Variants in ZFP62 observed in about 807,000 individuals in gnomAD.
ZFP62 encodes zinc finger protein 62 homolog.
In ZFP62, 44 loss-of-function variants were observed where a neutral mutation model predicts 56.4. The observed-to-expected ratio is 0.78, with a 90% CI of 0.61 to 1.00. ZFP62 has a LOEUF of 1.00. Among genes scored for constraint, ZFP62 ranks in the 50% least tolerant of loss-of-function variants. The probability of loss-of-function intolerance (pLI) is 0.00; values close to 1 mark genes in which losing one functional copy is unlikely to be tolerated. For synonymous variants in ZFP62, 421 were observed against 388.9 expected (o/e 1.08, Z -0.97); for missense variants, 1,030 against 1,085.7 (o/e 0.95, Z 0.72).
the ZFP62 span, among the ~76,000 whole-genome samples, chr5:180,841,295 A>G: frequency 7.9e-6 from 1 of 126,488 alleles, no homozygotes; most frequent in Non-Finnish European, 1.6e-5. Flanking sequence ...ATATATATAC[A>G]TACACATATA....
At chr5:180,836,701 T>G in the ZFP62 span, among the ~76,000 whole-genome samples, 1 of 152,108 alleles carries the variant, frequency 6.6e-6, no homozygotes, top group Non-Finnish European at 1.5e-5. Flanking sequence ...GTCGTGAAAA[T>G]GTAAACTGAG....
At chr5:180,845,973 T>C (rs1179526960), downstream of ZFP62, 16 of 550,090 alleles carry the variant, frequency 2.9e-5, no homozygotes, top group South Asian at 8.8e-4. Flanking sequence ...CTCACTGTTT[T>C]TTCAGGCTTT....
At chr5:180,852,054 A>G (rs1484692341) in intron 1 of ZFP62, 1 of 983,250 alleles carries the variant, frequency 1.0e-6, no homozygotes, top group African/African-American at 1.7e-5. Flanking sequence ...ATGAGGAAGA[A>G]GGCAACCTGC....
chr5:180,856,885 C>T (rs1196920368), intron 1 of ZFP62, among the ~76,000 whole-genome samples: 8 of 139,356 alleles, frequency 5.7e-5, no homozygotes, highest in African/African-American at 1.1e-4. Flanking sequence ...ACCTGGGAGG[C>T]GAGCCTGCAG....
At chr5:180,854,547 G>A (rs916204838) in intron 1 of ZFP62, among the ~76,000 whole-genome samples, 32 of 152,252 alleles carry the variant, frequency 2.1e-4, no homozygotes, top group South Asian at 1.7e-3. Flanking sequence ...CAGGATATCC[G>A]CATGGTCTTA....
At chr5:180,836,886 T>A in the ZFP62 span, among the ~76,000 whole-genome samples, 1 of 152,224 alleles carries the variant, frequency 6.6e-6, no homozygotes, top group Admixed American at 6.5e-5. Flanking sequence ...TTATTCAAGT[T>A]GATAAAAAAG....
At chr5:180,838,237 G>A in the ZFP62 span, among the ~76,000 whole-genome samples, 1 of 152,102 alleles carries the variant, frequency 6.6e-6, no homozygotes, top group Non-Finnish European at 1.5e-5. Context: ...AGGGAGTCAA[G>A]GAGGCCCATG....
chr5:180,854,487 G>T (rs1773870821), intron 1 of ZFP62, among the ~76,000 whole-genome samples: 1 of 152,216 alleles, frequency 6.6e-6, no homozygotes, highest in Non-Finnish European at 1.5e-5. Flanking sequence ...ACTGGATCAG[G>T]AGAGAATCAT....
At chr5:180,840,067 G>A in the ZFP62 span, among the ~76,000 whole-genome samples, 1 of 152,220 alleles carries the variant, frequency 6.6e-6, no homozygotes, top group Non-Finnish European at 1.5e-5. Context: ...AGGCCAGAGA[G>A]GCGAGCTGAG....
chr5:180,857,132 G>GAA (rs1774029735), intron 1 of ZFP62, among the ~76,000 whole-genome samples: 1 of 152,064 alleles, frequency 6.6e-6, no homozygotes, highest in African/African-American at 2.4e-5. Context: ...AGACAGGTAG[G>GAA]CAAAGACAAG....
chr5:180,842,101 T>C, the ZFP62 span, among the ~76,000 whole-genome samples: 1 of 152,128 alleles, frequency 6.6e-6, no homozygotes, highest in Non-Finnish European at 1.5e-5. Flanking sequence ...AAAACTTAAA[T>C]TGAGCACTCA....
chr5:180,845,626 G>A (rs190212757), downstream of ZFP62: 12 of 741,558 alleles, frequency 1.6e-5, no homozygotes, highest in African/African-American at 1.9e-4. Flanking sequence ...ATGTCTCTAG[G>A]CCTTTAGCTG....
the ZFP62 span, among the ~76,000 whole-genome samples, chr5:180,836,652 G>A: frequency 6.6e-6 from 1 of 152,352 alleles, no homozygotes; most frequent in African/African-American, 2.4e-5. Context: ...CACATCAGAG[G>A]TCAAGCCACA....
At chr5:180,839,005 A>G in the ZFP62 span, among the ~76,000 whole-genome samples, 2 of 152,220 alleles carry the variant, frequency 1.3e-5, no homozygotes, top group Non-Finnish European at 2.9e-5. Context: ...GGAAACCACC[A>G]AAACATTTAT....
chr5:180,848,717 A>C lies in ZFP62; in HGVS notation c.*75T>G. The C allele has an allele frequency of 6.9e-7, 1 of 1,449,180 alleles. No homozygotes were observed. Among genetic ancestry groups the C allele is most frequent in the Non-Finnish European group, 9.1e-7 (1 of 1,098,044 alleles). The allele number at this position is 1,449,180 out of a possible 1,614,324, so 89.8% of individuals were successfully genotyped here. ...ATTTACACTGTGTAAATTACAAGCC[A>C]TGACCCCCTACATTCTTACATTCAT... On this transcript the variant is annotated 3_prime_UTR_variant, in exon 2 of 2. Transcript: ENST00000502412.
chr5:180,855,143 A>T (rs113815314), intron 1 of ZFP62, among the ~76,000 whole-genome samples: 15,820 of 152,202 alleles, frequency 0.1, 2,041 homozygotes, highest in African/African-American at 0.3. Context: ...AAATACTTGC[A>T]TGTATGAAAG....
At chr5:180,829,775 C>T in the ZFP62 span, among the ~76,000 whole-genome samples, 10 of 152,224 alleles carry the variant, frequency 6.6e-5, no homozygotes, top group East Asian at 1.2e-3. Flanking sequence ...CTCTATACCT[C>T]GGAGCCGACA....
chr5:180,861,236 CG>C lies in ZFP62; in HGVS notation c.-18del, dbSNP rs1181474120. The C allele has an allele frequency of 5.8e-4, 231 of 397,910 alleles. No homozygotes were observed. Among genetic ancestry groups the C allele is most frequent in the Non-Finnish European group, 8.9e-5 (20 of 225,656 alleles). The allele number at this position is 397,910 out of a possible 1,614,324, so 24.6% of individuals were successfully genotyped here. On this transcript the variant is annotated 5_prime_UTR_variant, in exon 1 of 2. Transcript: ENST00000502412. ...TCACGTACTGGCTGTGGCGGCGCCG[CG>C]GGAACCCGGCCGCCAGCGGGACAAA...
rs1773742383 is a variant in ZFP62 at position 180,852,103 on chromosome 5, G to C, written c.2-610C>G. On this transcript the variant is annotated intron_variant, in intron 1 of 1. Transcript: ENST00000502412. ...TTATTAAACGTCTATAATTAAAATA[G>C]TATGGTCCTGGTACATAGACAGGCA... The C allele has an allele frequency of 3.5e-6, 3 of 850,110 alleles. No individual in the cohort carries two copies. In the South Asian group the frequency reaches 1.6e-4, roughly 46 times the overall value. 52.7% of individuals were successfully genotyped at this position (850,110 alleles called of 1,614,324 possible).
Sources: allele counts gnomAD v4.1 joint callset (sites outside exome capture counted in the v4.1 genomes callset), GRCh38; gene constraint gnomAD v4.1.1; transcripts MANE v1.5; gene names NCBI Gene and HGNC (gene_info 2026-07-23, HGNC 2026-07-21).